Variants in NPAS2 observed in about 807,000 individuals in gnomAD.
NPAS2 encodes the protein neuronal PAS domain protein 2.
In NPAS2, 23 loss-of-function variants were observed where a neutral mutation model predicts 107.5. The ratio of observed to expected loss-of-function variants is 0.21; its 90% CI spans 0.15 to 0.30. The LOEUF (loss-of-function observed/expected upper bound fraction) is 0.30. NPAS2 is among the 10% of genes least tolerant of loss of function. The pLI, the probability that NPAS2 is intolerant of heterozygous loss-of-function variation, is 1.00. For missense variants in NPAS2, 756 were observed against 1,043.3 expected (o/e 0.72, Z 3.79); for synonymous variants, 403 against 417.5 (o/e 0.97, Z 0.42).
At chr2:100,842,081 G>GCGCGCGCGCGCACACA in intron 1 of NPAS2, among the ~76,000 whole-genome samples, 13 of 148,902 alleles carry the variant, frequency 8.7e-5, no homozygotes, top group East Asian at 3.9e-4. Flanking sequence ...GCATGTACGC[G>GCGCGCGCGCGCACACA]CACACACACA....
chr2:100,963,951 A>G, intron 7 of NPAS2, 107 bp from the exon 8 acceptor site: 1 of 703,640 alleles, frequency 1.4e-6, no homozygotes, highest in South Asian at 1.7e-5. Context: ...TATACTCTAC[A>G]TAAACCCTGG....
intron 1 of NPAS2, chr2:100,822,786 A>C (rs1321330295): frequency 6.6e-6 from 1 of 152,000 alleles, no homozygotes; most frequent in Non-Finnish European, 1.5e-5. Flanking sequence ...GCACGGTGCA[A>C]CTCTTTCCCA....
intron 1 of NPAS2, among the ~76,000 whole-genome samples, chr2:100,834,164 A>G (rs1443416012): frequency 1.3e-5 from 2 of 151,990 alleles, no homozygotes; most frequent in Non-Finnish European, 2.9e-5. Flanking sequence ...TGAGTCCTGA[A>G]GAGGCTTCCT....
intron 12 of NPAS2, among the ~76,000 whole-genome samples, chr2:100,972,376 G>C (rs1274846730): frequency 1.3e-5 from 2 of 152,224 alleles, no homozygotes; most frequent in Admixed American, 6.5e-5. Context: ...GGAGAGGGGA[G>C]TACCTCTTAG....
At chr2:100,892,117 TAG>T (rs1681109460) in intron 1 of NPAS2, among the ~76,000 whole-genome samples, 1 of 152,206 alleles carries the variant, frequency 6.6e-6, no homozygotes, top group Non-Finnish European at 1.5e-5. Flanking sequence ...GAACTCTTGA[TAG>T]AGAGTCCCCC....
chr2:100,995,324 C>T, intron 20 of NPAS2, 76 bp from the exon 21 acceptor site: 1 of 1,348,574 alleles, frequency 7.4e-7, no homozygotes, highest in South Asian at 1.4e-5. Context: ...TGCAGCATGC[C>T]CCGCACTGCC....
intron 1 of NPAS2, among the ~76,000 whole-genome samples, chr2:100,885,359 TTTTA>T (rs1226974970): frequency 1.3e-5 from 2 of 152,236 alleles, no homozygotes; most frequent in Admixed American, 1.3e-4. Flanking sequence ...ACATATACTT[TTTTA>T]TTTATTTCCT....
rs1676373379 is a variant in NPAS2 at position 100,968,689 on chromosome 2, C to G, written c.1055+261C>G. Among the ~76,000 whole-genome samples, 1 of 152,198 alleles carries G rather than the reference C, an allele frequency of 6.6e-6. No individual in the cohort carries two copies. Among genetic ancestry groups the G allele is most frequent in the Non-Finnish European group, 1.5e-5 (1 of 68,030 alleles). ...CAGGCCCCTTTGAACGCCTCATGGACTCTCGCAGGCTGCCAGGATATTACT... is the reference window on the plus strand; with the variant it reads ...CAGGCCCCTTTGAACGCCTCATGGAGTCTCGCAGGCTGCCAGGATATTACT... On this transcript the variant is annotated intron_variant, in intron 11 of 20. Coordinates refer to ENST00000335681, the MANE Select transcript of NPAS2 (RefSeq NM_002518.4). The surrounding 1 kb of genome is among the most constrained non-coding windows in gnomAD (Gnocchi z 5.3).
In NPAS2 at chr2:100,968,787, C is replaced by A. The variant is rs138042850; in HGVS notation, c.1055+359C>A. ...ATCCAGCCCACAGCCTTCCCTTGTT[C>A]CTGCTTTGAGTAGAAAATTTAAATT... On this transcript the variant is annotated intron_variant, in intron 11 of 20. Coordinates refer to ENST00000335681, the MANE Select transcript of NPAS2 (RefSeq NM_002518.4). This position sits in a 1 kb window ranked among gnomAD's most constrained non-coding sequence, Gnocchi z 5.3. Among the ~76,000 whole-genome samples, 103 of 152,332 alleles carry A rather than the reference C, an allele frequency of 6.8e-4. 1 individual carries two copies. The East Asian group carries it at 0.017, about 25-fold the overall frequency.
At chr2:100,863,482 C>T (rs1679065414) in intron 1 of NPAS2, among the ~76,000 whole-genome samples, 3 of 152,208 alleles carry the variant, frequency 2.0e-5, no homozygotes, top group Non-Finnish European at 4.4e-5. Context: ...GCCCACAGAT[C>T]TGTGCCCCAT....
intron 7 of NPAS2, among the ~76,000 whole-genome samples, chr2:100,953,438 A>G (rs1248244006): frequency 2.0e-5 from 3 of 151,856 alleles, no homozygotes; most frequent in Admixed American, 6.6e-5. Context: ...ACCGTGACCT[A>G]TGAGATATGC....
chr2:100,989,458 G>A (rs1677983762), intron 17 of NPAS2: 2 of 152,190 alleles, frequency 1.3e-5, no homozygotes, highest in Non-Finnish European at 2.9e-5. Flanking sequence ...GGTGAGAAGA[G>A]CTAAGAAAAT....
intron 2 of NPAS2, among the ~76,000 whole-genome samples, chr2:100,923,336 G>C (rs1048439090): frequency 6.6e-6 from 1 of 152,190 alleles, no homozygotes; most frequent in Non-Finnish European, 1.5e-5. Flanking sequence ...ATGTTATCAG[G>C]AAACAGCCTA....
Position 100,849,023 on chromosome 2 carries a change from G to A in NPAS2, c.-23+28609G>A, listed in dbSNP as rs114287797. On this transcript the variant is annotated intron_variant, in intron 1 of 20. Transcript: ENST00000335681. ...TACGTTTTCTGTGCATTCATCTCAGGAATACGGGTTTCCCTGCACACTTAA... is the reference window on the plus strand; with the variant it reads ...TACGTTTTCTGTGCATTCATCTCAGAAATACGGGTTTCCCTGCACACTTAA... Among the ~76,000 whole-genome samples the A allele has an allele frequency of 2.9e-3, 439 of 152,332 alleles. 3 individuals carry two copies. The highest frequency in any genetic ancestry group is 0.01 in the African/African-American group (419 of 41,576).
intron 8 of NPAS2, among the ~76,000 whole-genome samples, chr2:100,964,445 C>T (rs1558917549): frequency 6.6e-6 from 1 of 152,190 alleles, no homozygotes; most frequent in African/African-American, 2.4e-5. Context: ...CCTTTCACAC[C>T]GGCGTTAATA....
intron 1 of NPAS2, among the ~76,000 whole-genome samples, chr2:100,897,785 CT>C (rs1558851893): frequency 6.6e-6 from 1 of 152,238 alleles, no homozygotes; most frequent in South Asian, 2.1e-4. Flanking sequence ...CCCAACTCCC[CT>C]GACACATGCA....
intron 20 of NPAS2, chr2:100,993,803 G>C (rs1019391286): frequency 8.2e-6 from 3 of 364,442 alleles, no homozygotes; most frequent in Non-Finnish European, 1.5e-5. Flanking sequence ...TTCTACTCAA[G>C]GATTTGCATC....
intron 2 of NPAS2, among the ~76,000 whole-genome samples, chr2:100,919,851 G>A (rs1310696992): frequency 6.6e-6 from 1 of 152,054 alleles, no homozygotes; most frequent in East Asian, 1.9e-4. Context: ...CTCCGTGGCT[G>A]GGCTCCCTCC....
At chr2:100,957,116 C>T (rs984211773) in intron 7 of NPAS2, among the ~76,000 whole-genome samples, 1 of 152,168 alleles carries the variant, frequency 6.6e-6, no homozygotes, top group African/African-American at 2.4e-5. Context: ...GTTCTGGGGG[C>T]AGGGGAGGGA....
Sources: allele counts gnomAD v4.1 joint callset (sites outside exome capture counted in the v4.1 genomes callset), GRCh38; gene constraint gnomAD v4.1.1; non-coding constraint Gnocchi (gnomAD v3.1); transcripts MANE v1.5; gene names NCBI Gene and HGNC (gene_info 2026-07-23, HGNC 2026-07-21).